ZEB1: variants seen among roughly 807,000 people sequenced by gnomAD.
ZEB1 encodes zinc finger E-box binding homeobox 1.
In ZEB1, 21 loss-of-function variants were observed where a neutral mutation model predicts 84.9. The ratio of observed to expected loss-of-function variants is 0.25; its 90% CI spans 0.18 to 0.36. The LOEUF (loss-of-function observed/expected upper bound fraction) is 0.36. Ranked by LOEUF, ZEB1 falls within the 10% of genes least tolerant of loss-of-function variation. The pLI is 1.00. For missense variants in ZEB1, 1,104 were observed against 1,330.2 expected (o/e 0.83, Z 2.65); for synonymous variants, 420 against 471.1 (o/e 0.89, Z 1.41).
chr10:31,372,640 A>T (rs542236980), intron 1 of ZEB1, among the ~76,000 whole-genome samples: 3 of 152,048 alleles, frequency 2.0e-5, no homozygotes, highest in Non-Finnish European at 2.9e-5. Context: ...TGATTTAATA[A>T]ATATAAATAT....
At position 31,502,515 on chromosome 10, in the gene ZEB1, TG is replaced by T. The variant is rs1565140826; in HGVS notation, c.484+8del. The T allele has an allele frequency of 1.9e-6, 3 of 1,613,756 alleles. No homozygotes were observed. The highest frequency in any genetic ancestry group is 2.2e-5 in the South Asian group (2 of 91,072). On this transcript the variant is annotated splice_region_variant and intron_variant, in intron 4 of 8. Coordinates refer to ENST00000424869, the MANE Select transcript of ZEB1 (RefSeq NM_001174096.2). ...CAGTGGTCATGATGAAAATGGTAAA[TG>T]GATCTTAACAGTTGTGTTTCTTTCC...
chr10:31,357,148 A>G (rs972802565), intron 1 of ZEB1, among the ~76,000 whole-genome samples: 13 of 152,188 alleles, frequency 8.5e-5, no homozygotes, highest in Non-Finnish European at 1.8e-4. Context: ...CATAAATGAG[A>G]TACTTTTTAA....
At chr10:31,434,132 ATTAT>A (rs1279214911) in intron 1 of ZEB1, among the ~76,000 whole-genome samples, 7 of 152,196 alleles carry the variant, frequency 4.6e-5, no homozygotes, top group African/African-American at 9.6e-5. Flanking sequence ...TGATTCAGCA[ATTAT>A]TTATTAACTA....
intron 2 of ZEB1, among the ~76,000 whole-genome samples, chr10:31,489,582 T>G (rs915885046): frequency 9.9e-5 from 15 of 151,456 alleles, no homozygotes; most frequent in African/African-American, 2.9e-4. Context: ...TTTGGATCAT[T>G]TGAATATTTT....
intron 1 of ZEB1, among the ~76,000 whole-genome samples, chr10:31,423,616 T>C (rs775150384): frequency 7.2e-5 from 11 of 152,108 alleles, no homozygotes; most frequent in Non-Finnish European, 1.6e-4. Context: ...AGTCAAAACC[T>C]CTAATTTACC....
intron 2 of ZEB1, among the ~76,000 whole-genome samples, chr10:31,473,158 A>T (rs1479005423): frequency 6.6e-6 from 1 of 151,052 alleles, no homozygotes; most frequent in Non-Finnish European, 1.5e-5. Flanking sequence ...CAAGACAGGG[A>T]TGCCCTCTCT....
At chr10:31,362,850 A>G (rs1233130615) in intron 1 of ZEB1, 9 of 1,137,960 alleles carry the variant, frequency 7.9e-6, no homozygotes, top group Non-Finnish European at 1.1e-5. Context: ...TTCTCCTCCT[A>G]AGCAACTGTC....
At chr10:31,375,288 G>A (rs547009969) in intron 1 of ZEB1, among the ~76,000 whole-genome samples, 3 of 151,872 alleles carry the variant, frequency 2.0e-5, no homozygotes, top group African/African-American at 4.8e-5. Context: ...CCTTGTCAGT[G>A]CTAGGAGAAA....
chr10:31,337,132 T>C (rs2038262464), intron 1 of ZEB1, among the ~76,000 whole-genome samples: 1 of 152,210 alleles, frequency 6.6e-6, no homozygotes. Flanking sequence ...ATTACACCTG[T>C]GCTTAACAAC....
chr10:31,328,304 C>G (rs1325067132), intron 1 of ZEB1, among the ~76,000 whole-genome samples: 2 of 152,096 alleles, frequency 1.3e-5, no homozygotes, highest in Non-Finnish European at 2.9e-5. Context: ...TCACCCTGGC[C>G]GGGTTACTTA....
intron 1 of ZEB1, among the ~76,000 whole-genome samples, chr10:31,331,036 G>GGGAA (rs1031684390): frequency 2.0e-5 from 3 of 149,992 alleles, no homozygotes; most frequent in Non-Finnish European, 4.4e-5. Context: ...GCATTGAACT[G>GGGAA]GGAAGGAGTC....
At chr10:31,483,398 T>C (rs1374466614) in intron 2 of ZEB1, among the ~76,000 whole-genome samples, 1 of 152,012 alleles carries the variant, frequency 6.6e-6, no homozygotes, top group Non-Finnish European at 1.5e-5. Context: ...CCCAGGTCTA[T>C]TTGATTCCAA....
intron 2 of ZEB1, among the ~76,000 whole-genome samples, chr10:31,485,845 A>T (rs1386470280): frequency 6.6e-6 from 1 of 151,848 alleles, no homozygotes; most frequent in Non-Finnish European, 1.5e-5. Context: ...GGCACAGAAC[A>T]GTTCCATCAT....
At chr10:31,381,748 C>G (rs535283629) in intron 1 of ZEB1, 6 of 152,102 alleles carry the variant, frequency 3.9e-5, no homozygotes, top group Admixed American at 3.9e-4. Context: ...CAGTGGCTCA[C>G]GCTTGTAATC....
At chr10:31,359,463 T>G (rs2042634411) in intron 1 of ZEB1, among the ~76,000 whole-genome samples, 1 of 152,182 alleles carries the variant, frequency 6.6e-6, no homozygotes, top group Admixed American at 6.5e-5. Context: ...AACTCCATTC[T>G]GAAATACTCT....
At chr10:31,444,680 C>G (rs1340853326) in intron 1 of ZEB1, among the ~76,000 whole-genome samples, 3 of 152,032 alleles carry the variant, frequency 2.0e-5, no homozygotes, top group Non-Finnish European at 4.4e-5. Context: ...AATCCTTTCC[C>G]CATTGCTTGT....
intron 1 of ZEB1, among the ~76,000 whole-genome samples, chr10:31,359,630 T>C (rs1478699274): frequency 6.6e-6 from 1 of 152,200 alleles, no homozygotes; most frequent in Non-Finnish European, 1.5e-5. Flanking sequence ...CTAACTGATG[T>C]TATTAACTAT....
chr10:31,391,756 A>G (rs981937739), intron 1 of ZEB1, among the ~76,000 whole-genome samples: 1 of 152,230 alleles, frequency 6.6e-6, no homozygotes, highest in African/African-American at 2.4e-5. Context: ...GACCTGAAAT[A>G]TAATCTAGTA....
intron 1 of ZEB1, among the ~76,000 whole-genome samples, chr10:31,419,413 A>C (rs2055771782): frequency 6.6e-6 from 1 of 152,182 alleles, no homozygotes; most frequent in Admixed American, 6.5e-5. Flanking sequence ...GAATAGTGGA[A>C]TAATATAAGA....
Sources: allele counts gnomAD v4.1 joint callset (sites outside exome capture counted in the v4.1 genomes callset), GRCh38; gene constraint gnomAD v4.1.1; transcripts MANE v1.5; gene names NCBI Gene and HGNC (gene_info 2026-07-23, HGNC 2026-07-21).